The following FCHO1 variants were observed in gnomAD, a reference collection of about 807,000 sequenced individuals.
The protein encoded by FCHO1 is FCH and mu domain containing endocytic adaptor 1, also known as F-BAR domain only protein 1.
Under a neutral mutation model 114.4 loss-of-function variants are expected in FCHO1, and 45 were observed. That is an observed-to-expected ratio of 0.39 (90% CI 0.31 to 0.50). The LOEUF (loss-of-function observed/expected upper bound fraction) is 0.50, where lower values mean the gene tolerates loss of function less well. FCHO1 is among the 20% of genes least tolerant of loss of function. The pLI is 0.77. For synonymous variants in FCHO1, 480 were observed against 488.9 expected (o/e 0.98, Z 0.24); for missense variants, 1,042 against 1,209.6 (o/e 0.86, Z 2.06).
At chr19:17,781,190 C>G (rs373484609) in intron 20 of FCHO1, 41 bp from the exon 21 acceptor site, 130 of 1,462,402 alleles carry the variant, frequency 8.9e-5, no homozygotes, top group Admixed American at 1.3e-4. Context: ...CCAGAGGCCC[C>G]GGGCAGCATC....
At position 17,776,640 on chromosome 19, in the gene FCHO1, G is replaced by T. The variant is rs760979158; in HGVS notation, c.1213G>T (p.Ala405Ser). 3.7e-6 allele frequency: 6 copies of T among 1,613,924 alleles called. No homozygotes were observed. The highest frequency in any genetic ancestry group is 5.1e-6 in the Non-Finnish European group (6 of 1,179,970). ...AGGAGGTGCATCTCTTGTAGGGGAC[G>T]CTGCTGGGAAACCCCAGAGACCTCG... The part of the protein sequence containing the change: ...GTMKRHSSRD[A>S]AGKPQRPRSA... Residue 405 changes from alanine to serine, a missense_variant, in exon 18 of 29, where the codon GCT (alanine) becomes TCT (serine). Ala to Ser is a moderately conservative substitution (Grantham distance 99). Transcript: ENST00000596536. The surrounding 1 kb of genome is among the most constrained non-coding windows in gnomAD (Gnocchi z 4.4).
At chr19:17,755,053 G>A in intron 3 of FCHO1, 65 bp from the exon 4 acceptor site, 1 of 989,748 alleles carries the variant, frequency 1.0e-6, no homozygotes, top group East Asian at 2.4e-5. Flanking sequence ...TACAGGGAGG[G>A]ACTTTCCCCC....
Position 17,776,794 on chromosome 19 carries a change from C to G in FCHO1, c.1259+108C>G. The stretch of plus-strand genomic sequence containing the variant: ...GTCCCGGCTGGGAGTTGACGTCATG[C>G]TGGGGTTTTTTTGTTTTTGTTTTTG... On this transcript the variant is annotated intron_variant, in intron 18 of 28. Coordinates refer to ENST00000596536, the MANE Select transcript of FCHO1 (RefSeq NM_015122.3). This position sits in a 1 kb window ranked among gnomAD's most constrained non-coding sequence, Gnocchi z 4.4. 9.2e-7 allele frequency: 1 copy of G among 1,088,576 alleles called. No individual in the cohort carries two copies. The highest frequency in any genetic ancestry group is 1.3e-6 in the Non-Finnish European group (1 of 742,310). 67.4% of individuals were successfully genotyped at this position (1,088,576 alleles called of 1,614,324 possible).
In FCHO1 at chr19:17,755,122, G is replaced by T. The variant is rs187919702; in HGVS notation, c.-43G>T. The T allele has an allele frequency of 3.1e-6, 5 of 1,608,704 alleles. No homozygotes were observed. The highest frequency in any genetic ancestry group is 4.3e-6 in the Non-Finnish European group (5 of 1,175,246). ...CAAACTTGCCTCTCTCTTCAGACAGGCACTGGACGGGGCCTGCAGGGGTCT... is the reference window on the plus strand; with the variant it reads ...CAAACTTGCCTCTCTCTTCAGACAGTCACTGGACGGGGCCTGCAGGGGTCT... On this transcript the variant is annotated 5_prime_UTR_variant, in exon 4 of 29. Transcript: ENST00000596536.
At position 17,751,972 on chromosome 19, in the gene FCHO1, C is replaced by T. The variant is rs866574383; in HGVS notation, c.-183+395C>T. ...GGCATGAAGATTGGATGAGCAGATG[C>T]GTGTGAATAGTTGGGTACAGGGTCG... On this transcript the variant is annotated intron_variant, in intron 1 of 28. Transcript: ENST00000596536. The surrounding 1 kb of genome is among the most constrained non-coding windows in gnomAD (Gnocchi z 4.4). Among the ~76,000 whole-genome samples the T allele has an allele frequency of 2.6e-5, 4 of 152,190 alleles. No individual in the cohort carries two copies. Among genetic ancestry groups the T allele is most frequent in the African/African-American group, 7.2e-5 (3 of 41,446 alleles).
chr19:17,772,310 A>G (rs1438737466), intron 9 of FCHO1, 147 bp from the exon 10 acceptor site: 5 of 640,886 alleles, frequency 7.8e-6, no homozygotes, highest in Non-Finnish European at 1.4e-5. Flanking sequence ...AGTCAATGAA[A>G]GTCCTAGGGC....
At position 17,776,129 on chromosome 19, in the gene FCHO1, G is replaced by A. The variant is rs745376677; in HGVS notation, c.1150G>A (p.Ala384Thr). ...EAAAAQLRATAGSLILPPGPG... is the reference protein window; with the variant it reads ...EAAAAQLRATTGSLILPPGPG... ...AGCAGCGGCACAGCTCAGGGCCACC[G>A]CGGGCAGCCTCATCCTTCCTCCTGG... is the stretch of plus-strand genomic sequence containing the variant. The change falls in exon 16 of 29, where the codon GCG becomes ACG. Residue 384 changes from alanine (A) to threonine (T), a missense_variant. Ala to Thr is a moderately conservative substitution (Grantham distance 58, BLOSUM62 0). Coordinates refer to ENST00000596536, the MANE Select transcript of FCHO1 (RefSeq NM_015122.3). The surrounding 1 kb of genome is among the most constrained non-coding windows in gnomAD (Gnocchi z 4.4). 8.1e-6 allele frequency: 13 copies of A among 1,613,358 alleles called. No individual in the cohort carries two copies. The highest frequency in any genetic ancestry group is 6.7e-5 in the African/African-American group (5 of 75,022).
chr19:17,762,440 G>A (rs1243792543), intron 4 of FCHO1, among the ~76,000 whole-genome samples: 1 of 152,088 alleles, frequency 6.6e-6, no homozygotes, highest in East Asian at 1.9e-4. Context: ...GACTGAGACA[G>A]AAACGGCAGA....
intron 24 of FCHO1, among the ~76,000 whole-genome samples, chr19:17,783,636 A>C (rs1198991812): frequency 6.6e-6 from 1 of 150,674 alleles, no homozygotes; most frequent in Non-Finnish European, 1.5e-5. Context: ...GCTGGAGTGC[A>C]GTGGCGTGAT....
Position 17,778,899 on chromosome 19 carries a change from C to T in FCHO1, c.1627+15C>T, listed in dbSNP as rs1490379166. ...GGCCGGAGGAGGTGAGTCCAGCGGG[C>T]CTGGGCCTGAGAGTTGCTGGAACCC... On this transcript the variant is annotated intron_variant, in intron 20 of 28. Coordinates refer to ENST00000596536, the MANE Select transcript of FCHO1 (RefSeq NM_015122.3). 1 of 1,530,842 alleles carries T rather than the reference C, an allele frequency of 6.5e-7. No individual in the cohort carries two copies. Among genetic ancestry groups the T allele is most frequent in the East Asian group, 2.3e-5 (1 of 43,832 alleles). 94.8% of individuals were successfully genotyped at this position (1,530,842 alleles called of 1,614,324 possible). A position where few individuals can be genotyped will look rare whatever the true frequency, so the allele number is the denominator to read the frequency against.
At position 17,784,498 on chromosome 19, in the gene FCHO1, G is replaced by A. The variant is rs548172222; in HGVS notation, c.2227-227G>A. On this transcript the variant is annotated intron_variant, in intron 25 of 28. Transcript: ENST00000596536. This position sits in a 1 kb window ranked among gnomAD's most constrained non-coding sequence, Gnocchi z 5.3. ...GTGAACTAGAAGCAGCCCAGCCCCG[G>A]AACCTTACACTTGAACTTCCCTGGG... Among the ~76,000 whole-genome samples the A allele has an allele frequency of 6.6e-6, 1 of 152,238 alleles. No individual in the cohort carries two copies. Among genetic ancestry groups the A allele is most frequent in the African/African-American group, 2.4e-5 (1 of 41,532 alleles).
chr19:17,748,981 G>C (rs1474068400), upstream of FCHO1, among the ~76,000 whole-genome samples: 1 of 152,178 alleles, frequency 6.6e-6, no homozygotes, highest in Non-Finnish European at 1.5e-5. Context: ...TGCAAAATGG[G>C]TTGATGATGA....
At chr19:17,788,247 C>CG in intron 28 of FCHO1, 37 bp from the exon 29 acceptor site, 3 of 1,257,316 alleles carry the variant, frequency 2.4e-6, no homozygotes, top group Non-Finnish European at 3.5e-6. Flanking sequence ...CGTACCCCTC[C>CG]TCCCCACCCC....
At chr19:17,785,377 C>T (rs1599796961) in intron 26 of FCHO1, among the ~76,000 whole-genome samples, 2 of 152,138 alleles carry the variant, frequency 1.3e-5, no homozygotes, top group South Asian at 2.1e-4. Flanking sequence ...CCTGCTACCA[C>T]ACCCAGCTGA....
Position 17,784,706 on chromosome 19 carries a change from TCA to T in FCHO1, c.2227-18_2227-17del. 1.2e-6 allele frequency: 2 copies of T among 1,612,578 alleles called. No individual in the cohort carries two copies. The highest frequency in any genetic ancestry group is 1.7e-6 in the Non-Finnish European group (2 of 1,178,986). ...GATGGCCCAAGCTGTGTCCTCTCTC[TCA>T]TTCTCATTCTTCCTAGTTCTCCCGC... is the stretch of plus-strand genomic sequence containing the variant. On this transcript the variant is annotated splice_polypyrimidine_tract_variant and intron_variant, in intron 25 of 28. Transcript: ENST00000596536. This position sits in a 1 kb window ranked among gnomAD's most constrained non-coding sequence, Gnocchi z 5.3.
intron 4 of FCHO1, 88 bp downstream of exon 4, chr19:17,755,279 C>A: frequency 1.7e-6 from 2 of 1,174,340 alleles, no homozygotes; most frequent in South Asian, 1.4e-5. Context: ...GTTGCGGTTA[C>A]AGCCTTGGAC....
chr19:17,781,186 G>GC (rs760437207), intron 20 of FCHO1, 45 bp from the exon 21 acceptor site: 1 of 1,430,340 alleles, frequency 7.0e-7, no homozygotes, highest in Non-Finnish European at 9.7e-7. Context: ...GGCCCCAGAG[G>GC]CCCCGGGCAG....
In FCHO1 at chr19:17,776,005, C is replaced by G. The variant is rs1299639412; in HGVS notation, c.1026C>G (p.Phe342Leu). 1 of 1,608,636 alleles carries G rather than the reference C, an allele frequency of 6.2e-7. No individual in the cohort carries two copies. Among genetic ancestry groups the G allele is most frequent in the Non-Finnish European group, 8.5e-7 (1 of 1,179,940 alleles). Residue 342 changes from phenylalanine to leucine, a missense_variant, in exon 16 of 29, where the codon TTC becomes TTG. Physicochemically the swap from Phe to Leu is conservative, Grantham distance 22. Transcript: ENST00000596536. The surrounding 1 kb of genome is among the most constrained non-coding windows in gnomAD (Gnocchi z 4.4). ...TQNSTAEPSR[F>L]SSSDSDFDDE... The stretch of plus-strand genomic sequence containing the variant: ...CACGCACGGCCGAGCCCTCCCGTTT[C>G]TCGTCCAGCGACTCCGACTTCGACG...
intron 23 of FCHO1, 37 bp from the exon 24 acceptor site, chr19:17,782,980 G>A: frequency 2.5e-6 from 4 of 1,607,858 alleles, no homozygotes; most frequent in Non-Finnish European, 3.4e-6. Flanking sequence ...ACCAGGCAGA[G>A]CCCTAAGCCA....
Sources: allele counts gnomAD v4.1 joint callset (sites outside exome capture counted in the v4.1 genomes callset), GRCh38; gene constraint gnomAD v4.1.1; non-coding constraint Gnocchi (gnomAD v3.1); transcripts MANE v1.5; gene names NCBI Gene and HGNC (gene_info 2026-07-23, HGNC 2026-07-21).